Variants in CNTN5 observed in about 807,000 individuals in gnomAD.
CNTN5 encodes contactin-5.
In CNTN5, 77 loss-of-function variants were observed where a neutral mutation model predicts 129.1. The ratio of observed to expected loss-of-function variants is 0.60; its 90% CI spans 0.50 to 0.72. The LOEUF (loss-of-function observed/expected upper bound fraction) is 0.72, where lower values mean the gene tolerates loss of function less well. Ranked by LOEUF, CNTN5 falls within the 30% of genes least tolerant of loss-of-function variation. CNTN5 has a pLI of 0.00. For missense variants in CNTN5, 1,478 were observed against 1,328.8 expected, an observed-to-expected ratio of 1.11 and a Z score of -1.75; for synonymous variants, 509 against 465.6, an observed-to-expected ratio of 1.09 and a Z score of -1.20.
At chr11:99,554,399 A>G (rs1244450926) in intron 2 of CNTN5, among the ~76,000 whole-genome samples, 14 of 152,108 alleles carry the variant, frequency 9.2e-5, no homozygotes, top group Non-Finnish European at 2.9e-5. Context: ...TTCTCCTGCT[A>G]TCTTCATGAG....
chr11:100,327,660 A>G (rs1020339492), intron 21 of CNTN5, among the ~76,000 whole-genome samples: 3 of 152,188 alleles, frequency 2.0e-5, no homozygotes, highest in African/African-American at 7.2e-5. Context: ...GACTTCATCT[A>G]TTTTGACTCA....
chr11:100,337,168 C>T, intron 21 of CNTN5: 2 of 1,456,418 alleles, frequency 1.4e-6, no homozygotes, highest in Non-Finnish European at 1.9e-6. Flanking sequence ...GAATGTTCAC[C>T]AGTGGGTTGA....
intron 1 of CNTN5, among the ~76,000 whole-genome samples, chr11:99,136,297 A>C (rs1859214543): frequency 6.6e-6 from 1 of 152,142 alleles, no homozygotes; most frequent in African/African-American, 2.4e-5. Flanking sequence ...TTGTATTTCT[A>C]TCTAGCATAG....
At chr11:99,557,653 C>G (rs1948715938) in intron 3 of CNTN5, among the ~76,000 whole-genome samples, 1 of 151,406 alleles carries the variant, frequency 6.6e-6, no homozygotes, top group Non-Finnish European at 1.5e-5. Context: ...AGCCTTTATA[C>G]TATTATTACT....
chr11:99,790,176 C>CT (rs1237684972), intron 3 of CNTN5, among the ~76,000 whole-genome samples: 1 of 151,856 alleles, frequency 6.6e-6, no homozygotes, highest in African/African-American at 2.4e-5. Flanking sequence ...GCCACATTTT[C>CT]TTTTTTAAAA....
chr11:99,951,176 T>C (rs1455185386), intron 7 of CNTN5, among the ~76,000 whole-genome samples: 1 of 152,060 alleles, frequency 6.6e-6, no homozygotes, highest in Non-Finnish European at 1.5e-5. Context: ...CTCTGTGATT[T>C]TGAAGTCCAT....
At chr11:99,027,569 C>T (rs116643630) in intron 1 of CNTN5, among the ~76,000 whole-genome samples, 3,140 of 151,610 alleles carry the variant, frequency 0.021, 48 homozygotes, top group Middle Eastern at 0.044. Context: ...AGTATTTAAT[C>T]GTCATTGTAT....
intron 16 of CNTN5, among the ~76,000 whole-genome samples, chr11:100,235,475 G>A (rs1480874488): frequency 6.6e-6 from 1 of 152,060 alleles, no homozygotes; most frequent in African/African-American, 2.4e-5. Flanking sequence ...AGGAGGAGGC[G>A]GTAAGGTAGA....
At chr11:99,624,715 G>C (rs183078949) in intron 3 of CNTN5, among the ~76,000 whole-genome samples, 5 of 152,236 alleles carry the variant, frequency 3.3e-5, no homozygotes, top group Middle Eastern at 3.4e-3. Context: ...CCTGCCACAG[G>C]CAGCACGGTT....
intron 9 of CNTN5, among the ~76,000 whole-genome samples, chr11:100,054,077 A>G (rs754959921): frequency 1.3e-5 from 2 of 151,844 alleles, no homozygotes; most frequent in Non-Finnish European, 3.0e-5. Flanking sequence ...TTGGGAAGAG[A>G]TATGAGGAAG....
chr11:99,744,528 G>A (rs1388760179), intron 3 of CNTN5, among the ~76,000 whole-genome samples: 1 of 76,572 alleles, frequency 1.3e-5, no homozygotes. Flanking sequence ...GCAAAACCCC[G>A]TCTCTACAAA....
At chr11:99,575,233 C>G (rs1020022338) in intron 3 of CNTN5, among the ~76,000 whole-genome samples, 2 of 151,998 alleles carry the variant, frequency 1.3e-5, no homozygotes, top group Admixed American at 1.3e-4. Flanking sequence ...AATAGAATCC[C>G]CCTTAAATAT....
intron 23 of CNTN5, among the ~76,000 whole-genome samples, chr11:100,342,160 C>CACACACACACACACAT (rs1555073340): frequency 2.3e-3 from 340 of 150,958 alleles, no homozygotes; most frequent in African/African-American, 8.1e-3. Context: ...CAGACACACA[C>CACACACACACACACAT]ACACACACAC....
intron 8 of CNTN5, among the ~76,000 whole-genome samples, chr11:99,960,945 G>C (rs1816796815): frequency 6.6e-6 from 1 of 152,130 alleles, no homozygotes; most frequent in African/African-American, 2.4e-5. Flanking sequence ...GCTCATGCCT[G>C]TAATCCTAGC....
intron 3 of CNTN5, among the ~76,000 whole-genome samples, chr11:99,691,947 A>G (rs1009861674): frequency 6.6e-6 from 1 of 152,078 alleles, no homozygotes; most frequent in Non-Finnish European, 1.5e-5. Flanking sequence ...GTGCATATAT[A>G]TTTAGGATAG....
intron 2 of CNTN5, among the ~76,000 whole-genome samples, chr11:99,499,173 A>G (rs139864564): frequency 6.6e-6 from 1 of 152,056 alleles, no homozygotes; most frequent in Admixed American, 6.6e-5. Flanking sequence ...TTAACACCCC[A>G]CTATTCCCAA....
intron 13 of CNTN5, among the ~76,000 whole-genome samples, chr11:100,128,003 G>A (rs1313619388): frequency 1.3e-5 from 2 of 151,952 alleles, no homozygotes; most frequent in Non-Finnish European, 2.9e-5. Flanking sequence ...TGGCTACTCT[G>A]AGTCCTACAC....
intron 3 of CNTN5, among the ~76,000 whole-genome samples, chr11:99,679,935 G>C (rs1012141421): frequency 6.6e-6 from 1 of 152,178 alleles, no homozygotes. Context: ...CTGATGTAGA[G>C]ACAGTTTGAG....
intron 23 of CNTN5, among the ~76,000 whole-genome samples, chr11:100,342,798 AT>A (rs1347165750): frequency 1.3e-5 from 2 of 152,090 alleles, no homozygotes; most frequent in Admixed American, 6.6e-5. Flanking sequence ...TCAAATATGT[AT>A]TTTTTTCTAG....
Sources: allele counts gnomAD v4.1 joint callset (sites outside exome capture counted in the v4.1 genomes callset), GRCh38; gene constraint gnomAD v4.1.1; transcripts MANE v1.5; gene names NCBI Gene and HGNC (gene_info 2026-07-23, HGNC 2026-07-21).